Variants in TSEN15 observed in about 807,000 individuals in gnomAD.
TSEN15 encodes the protein tRNA-splicing endonuclease subunit Sen15.
In TSEN15, 10 loss-of-function variants were observed where a neutral mutation model predicts 20.5. That is an observed-to-expected ratio of 0.49 (90% CI 0.30 to 0.83). The LOEUF is 0.83. TSEN15 is among the 40% of genes least tolerant of loss of function. The pLI is 0.06. For synonymous variants in TSEN15, 72 were observed against 80.1 expected (o/e 0.90, Z 0.54); for missense variants, 180 against 218.6 (o/e 0.82, Z 1.11).
chr1:184,051,974 C>G (rs933599365), intron 1 of TSEN15, 84 bp downstream of exon 1: 2 of 1,298,288 alleles, frequency 1.5e-6, no homozygotes, highest in African/African-American at 3.1e-5. Context: ...TTCTTTCTTC[C>G]TCAGTGGGAG....
intron 3 of TSEN15, among the ~76,000 whole-genome samples, chr1:184,056,724 A>G (rs1421634396): frequency 6.6e-6 from 1 of 152,116 alleles, no homozygotes; most frequent in Non-Finnish European, 1.5e-5. Flanking sequence ...TTCTACCTCC[A>G]TTTACTGAAT....
At chr1:184,058,152 A>G (rs949070585) in intron 3 of TSEN15, 1 of 428,344 alleles carries the variant, frequency 2.3e-6, no homozygotes, top group Non-Finnish European at 4.7e-6. Context: ...AATTTCTAGT[A>G]TTTTCCAGGT....
At chr1:184,076,131 G>C (rs927579914), downstream of TSEN15, among the ~76,000 whole-genome samples, 3 of 151,802 alleles carry the variant, frequency 2.0e-5, no homozygotes, top group Admixed American at 6.6e-5. Flanking sequence ...ATTCTGTTTT[G>C]GGGATATTGT....
chr1:184,057,029 C>T (rs967710633), intron 3 of TSEN15, among the ~76,000 whole-genome samples: 1 of 152,100 alleles, frequency 6.6e-6, no homozygotes, highest in Non-Finnish European at 1.5e-5. Context: ...GTGACCTGGA[C>T]TCAGTGACTT....
intron 3 of TSEN15, among the ~76,000 whole-genome samples, chr1:184,068,450 A>G (rs1650769810): frequency 2.0e-5 from 3 of 152,180 alleles, no homozygotes; most frequent in African/African-American, 4.8e-5. Flanking sequence ...TCCCTCTGCT[A>G]GAAATCTGCT....
intron 3 of TSEN15, among the ~76,000 whole-genome samples, chr1:184,091,024 G>A (rs1326100912): frequency 6.6e-6 from 1 of 152,132 alleles, no homozygotes; most frequent in Non-Finnish European, 1.5e-5. Flanking sequence ...TTATTTCTAA[G>A]TCTTCCATAG....
intron 3 of TSEN15, among the ~76,000 whole-genome samples, chr1:184,067,939 AAAATAT>A (rs1458465062): frequency 8.8e-6 from 1 of 113,464 alleles, no homozygotes; most frequent in African/African-American, 3.4e-5. Flanking sequence ...AAAAAAAAAA[AAAATAT>A]ATATATATAT....
chr1:184,054,966 C>T, intron 3 of TSEN15, 103 bp downstream of exon 3: 1 of 1,306,558 alleles, frequency 7.7e-7, no homozygotes. Context: ...ATACAGGGTT[C>T]ATAGCTTTAC....
intron 1 of TSEN15, among the ~76,000 whole-genome samples, chr1:184,052,400 G>A (rs1034075213): frequency 2.0e-5 from 3 of 152,152 alleles, no homozygotes; most frequent in Non-Finnish European, 4.4e-5. Flanking sequence ...ATAGGTTCTT[G>A]CTCAAAGCAG....
intron 3 of TSEN15, among the ~76,000 whole-genome samples, chr1:184,080,285 T>C (rs1324787130): frequency 6.6e-6 from 1 of 152,216 alleles, no homozygotes. Flanking sequence ...TACTTACATG[T>C]TATTAACTTT....
At chr1:184,065,386 G>T (rs1408762724) in intron 3 of TSEN15, among the ~76,000 whole-genome samples, 1 of 152,060 alleles carries the variant, frequency 6.6e-6, no homozygotes, top group Non-Finnish European at 1.5e-5. Flanking sequence ...ACTGAAATTT[G>T]TCATTTACAC....
chr1:184,093,458 A>G (rs549218500), intron 3 of TSEN15, among the ~76,000 whole-genome samples: 56 of 152,328 alleles, frequency 3.7e-4, no homozygotes, highest in Admixed American at 5.9e-4. Context: ...AAAGGGGGCA[A>G]TACTAATAAA....
At chr1:184,066,168 G>C (rs1650648983) in intron 3 of TSEN15, among the ~76,000 whole-genome samples, 2 of 151,732 alleles carry the variant, frequency 1.3e-5, no homozygotes, top group Non-Finnish European at 2.9e-5. Context: ...AGGATATAAG[G>C]TCAGTGTTTA....
chr1:184,072,582 G>A, intron 4 of TSEN15: 1 of 563,754 alleles, frequency 1.8e-6, no homozygotes, highest in Non-Finnish European at 3.1e-6. Context: ...TAATTATTTA[G>A]TGAGTAGCTG....
chr1:184,054,376 A>G lies in TSEN15; in HGVS notation c.158A>G (p.Asp53Gly). The change falls in exon 2 of 5, where the codon GAT becomes GGT. Residue 53 changes from aspartate to glycine, a missense_variant. Coordinates refer to ENST00000645668, the MANE Select transcript of TSEN15 (RefSeq NM_052965.4). ...HPKYLEMMEL[D>G]IGDATQVYVA... ...CAGTATCTAGAAATGATGGAATTAG[A>G]TATAGGAGATGCCACCCAAGTTTAT... The G allele has an allele frequency of 1.9e-6, 3 of 1,602,890 alleles. No individual in the cohort carries two copies. Among genetic ancestry groups the G allele is most frequent in the Non-Finnish European group, 2.6e-6 (3 of 1,170,440 alleles).
intron 3 of TSEN15, among the ~76,000 whole-genome samples, chr1:184,082,928 G>A (rs1651195991): frequency 6.6e-6 from 1 of 152,078 alleles, no homozygotes; most frequent in Non-Finnish European, 1.5e-5. Context: ...TTACTGAAAA[G>A]GGAAAATATA....
At position 184,051,876 on chromosome 1, in the gene TSEN15, G is replaced by T; in HGVS notation, c.121G>T (p.Gly41Cys). The change falls in exon 1 of 5, where the codon GGC (glycine) becomes TGC (cysteine). Residue 41 changes from glycine (G) to cysteine (C), a missense_variant. Physicochemically the swap from Gly to Cys is radical, Grantham distance 159. Around this residue, in one of 3 missense-constraint regions of TSEN15, gnomAD observed 76 missense variants for 66.5 expected, o/e 1.14. Transcript: ENST00000645668. ...PSWAPEDAWM[G>C]THPKYLEMME... The stretch of plus-strand genomic sequence containing the variant: ...GTGGGCCCCTGAGGACGCCTGGATG[G>T]GCACTCACCCTAAGGTCAGGAGGCG... The T allele has an allele frequency of 1.3e-6, 2 of 1,553,364 alleles. No homozygotes were observed.
intron 3 of TSEN15, among the ~76,000 whole-genome samples, chr1:184,060,944 A>G (rs183302685): frequency 6.6e-6 from 1 of 152,318 alleles, no homozygotes; most frequent in African/African-American, 2.4e-5. Flanking sequence ...AAGTCAAGAA[A>G]TAGAACTTTT....
At chr1:184,062,250 C>T (rs552417073) in intron 3 of TSEN15, among the ~76,000 whole-genome samples, 2 of 152,114 alleles carry the variant, frequency 1.3e-5, no homozygotes, top group East Asian at 3.9e-4. Context: ...TGTATATTTG[C>T]ATGGTATCCA....
Sources: gnomAD v4.1 joint callset for allele counts (sites outside exome capture counted in the v4.1 genomes callset) on GRCh38, gnomAD v4.1.1 for gene constraint, gnomAD v4.1.1 regional missense constraint, MANE v1.5 for transcripts, NCBI Gene and HGNC (gene_info 2026-07-23, HGNC 2026-07-21) for gene names.